SLC9C2: variants seen among roughly 807,000 people sequenced by gnomAD.
The protein encoded by SLC9C2 is solute carrier family 9 member C2 (putative).
Under a neutral mutation model 140.2 loss-of-function variants are expected in SLC9C2, and 75 were observed. That is an observed-to-expected ratio of 0.53 (90% CI 0.44 to 0.65). SLC9C2 has a LOEUF of 0.65. Among genes scored for constraint, SLC9C2 ranks in the 30% least tolerant of loss-of-function variants. The pLI, the probability that SLC9C2 is intolerant of heterozygous loss-of-function variation, is 0.00. For missense variants in SLC9C2, 1,074 were observed against 1,331.8 expected (o/e 0.81, Z 3.01); for synonymous variants, 375 against 420.9 (o/e 0.89, Z 1.34).
intron 23 of SLC9C2, among the ~76,000 whole-genome samples, chr1:173,511,689 CA>C (rs1404916566): frequency 6.6e-5 from 10 of 152,204 alleles, no homozygotes; most frequent in Admixed American, 5.9e-4. Flanking sequence ...GCTTTTGTTG[CA>C]ATTGCCTTTG....
intron 6 of SLC9C2, among the ~76,000 whole-genome samples, chr1:173,582,989 G>A (rs1665640347): frequency 6.6e-6 from 1 of 152,172 alleles, no homozygotes; most frequent in African/African-American, 2.4e-5. Flanking sequence ...TATGCATATT[G>A]AGAAAAACTA....
intron 23 of SLC9C2, among the ~76,000 whole-genome samples, chr1:173,511,761 C>A (rs532594108): frequency 6.6e-6 from 1 of 152,246 alleles, no homozygotes; most frequent in Admixed American, 6.5e-5. Context: ...CCTAGGTTTT[C>A]TTCTAGGGTT....
intron 23 of SLC9C2, among the ~76,000 whole-genome samples, chr1:173,516,940 A>G (rs1416089501): frequency 6.6e-6 from 1 of 152,164 alleles, no homozygotes; most frequent in Non-Finnish European, 1.5e-5. Flanking sequence ...AACAGTGTGT[A>G]ATTGTTCCTT....
At position 173,533,757 on chromosome 1, in the gene SLC9C2, T is replaced by C; in HGVS notation, c.2015A>G (p.Asn672Ser). Residue 672 changes from asparagine (N) to serine (S), a missense_variant, in exon 17 of 28, where the codon AAT becomes AGT. By Grantham distance (46) the Asn-to-Ser change is conservative. Coordinates refer to ENST00000367714, the MANE Select transcript of SLC9C2 (RefSeq NM_178527.4). ...LKRKYFQQCWNTLEFFILVIG... is the reference protein window; with the variant it reads ...LKRKYFQQCWSTLEFFILVIG... ...AACCAGGATAAAAAATTCCAAAGTA[T>C]TCCAACATTGTTGAAAATATTTCCT... is the stretch of plus-strand genomic sequence containing the variant. 6.2e-7 allele frequency: 1 copy of C among 1,603,032 alleles called. No homozygotes were observed. The highest frequency in any genetic ancestry group is 1.7e-4 in the Middle Eastern group (1 of 5,764).
Position 173,505,321 on chromosome 1 carries a change from G to A in SLC9C2, c.3236C>T (p.Thr1079Ile), listed in dbSNP as rs906171350. ...IPTTCEQVQGTSDLSKLLIIQ... is the reference protein window; with the variant it reads ...IPTTCEQVQGISDLSKLLIIQ... The stretch of plus-strand genomic sequence containing the variant: ...TATCAGCAGCTTGCTTAAATCAGAA[G>A]TTCCCTGAACCTAGAGGAGAAAAGT... The change falls in exon 26 of 28, where the codon ACT becomes ATT. Residue 1079 changes from threonine (T) to isoleucine (I), a missense_variant. Coordinates refer to ENST00000367714, the MANE Select transcript of SLC9C2 (RefSeq NM_178527.4). 2.5e-6 allele frequency: 4 copies of A among 1,613,862 alleles called. No homozygotes were observed. The Admixed American group carries it at 5.0e-5, about 20-fold the overall frequency.
chr1:173,533,813 A>G lies in SLC9C2; in HGVS notation c.1975-16T>C, dbSNP rs921731547. ...AAATTATTATCTGTACAGAAAACAA[A>G]TGTCATTTCATAGCACCTATACAGT... On this transcript the variant is annotated splice_polypyrimidine_tract_variant and intron_variant, in intron 16 of 27. Coordinates refer to ENST00000367714, the MANE Select transcript of SLC9C2 (RefSeq NM_178527.4). The G allele has an allele frequency of 2.5e-6, 4 of 1,589,396 alleles. No individual in the cohort carries two copies. In the African/African-American group the frequency reaches 5.4e-5, roughly 22 times the overall value.
chr1:173,524,807 TC>T lies in SLC9C2; in HGVS notation c.2485del (p.Asp829IlefsTer8). 1 of 1,614,082 alleles carries T rather than the reference TC, an allele frequency of 6.2e-7. No individual in the cohort carries two copies. Among genetic ancestry groups the T allele is most frequent in the Non-Finnish European group, 8.5e-7 (1 of 1,179,954 alleles). On this transcript the variant is annotated frameshift_variant, in exon 20 of 28. Coordinates refer to ENST00000367714, the MANE Select transcript of SLC9C2 (RefSeq NM_178527.4). LOFTEE classifies it high-confidence loss of function. ...ATTTATCTCAATGACTTCATGCTTA[TC>T]AATAATGCCTCTTGAACAAAGGAAG... ...LTFLCSRGII[D>X]KHEVIEINKV...
chr1:173,532,091 A>G (rs897444031), intron 17 of SLC9C2, among the ~76,000 whole-genome samples: 1 of 152,230 alleles, frequency 6.6e-6, no homozygotes, highest in African/African-American at 2.4e-5. Flanking sequence ...GTTTGGTCAC[A>G]CCAATGTAGA....
intron 4 of SLC9C2, among the ~76,000 whole-genome samples, chr1:173,593,879 A>T (rs1381113007): frequency 6.6e-6 from 1 of 152,214 alleles, no homozygotes; most frequent in Non-Finnish European, 1.5e-5. Flanking sequence ...TCATAAAGCA[A>T]GTTCTTAGAG....
At chr1:173,544,315 C>T (rs986644318) in intron 13 of SLC9C2, among the ~76,000 whole-genome samples, 6 of 152,194 alleles carry the variant, frequency 3.9e-5, no homozygotes, top group African/African-American at 1.4e-4. Context: ...GAGATGCCAT[C>T]TCACACCAGT....
rs528297790 is a variant in SLC9C2 at position 173,557,256 on chromosome 1, A to C, written c.1215+84T>G. The C allele has an allele frequency of 2.3e-6, 3 of 1,315,994 alleles. No individual in the cohort carries two copies. In the African/African-American group the frequency reaches 4.5e-5, roughly 20 times the overall value. 81.5% of individuals were successfully genotyped at this position (1,315,994 alleles called of 1,614,324 possible). A position where few individuals can be genotyped will look rare whatever the true frequency, so the allele number is the denominator to read the frequency against. On this transcript the variant is annotated intron_variant, in intron 10 of 27. Coordinates refer to ENST00000367714, the MANE Select transcript of SLC9C2 (RefSeq NM_178527.4). ...TAAAAATCTAATTCAAAGCTGGTTA[A>C]CTTTATTACTGGGTTCTCTGACAAG...
chr1:173,530,369 T>C (rs1017225440), intron 17 of SLC9C2, among the ~76,000 whole-genome samples: 1 of 152,194 alleles, frequency 6.6e-6, no homozygotes, highest in African/African-American at 2.4e-5. Flanking sequence ...CACTGCCTTT[T>C]CCCTCATTCT....
At chr1:173,509,444 C>CAAAAA in intron 24 of SLC9C2, 124 bp downstream of exon 24, 1 of 745,384 alleles carries the variant, frequency 1.3e-6, no homozygotes, top group Non-Finnish European at 1.9e-6. Context: ...GCCTCTGTCT[C>CAAAAA]AAAAAAAAAA....
intron 16 of SLC9C2, 56 bp from the exon 17 acceptor site, chr1:173,533,853 GA>G: frequency 6.8e-7 from 1 of 1,478,856 alleles, no homozygotes; most frequent in Non-Finnish European, 9.0e-7. Context: ...TTGGGGGGAA[GA>G]AATCTATAAA....
rs369542558 is a variant in SLC9C2 at position 173,523,923 on chromosome 1, A to G, written c.2640+46T>C. 1.7e-4 allele frequency: 271 copies of G among 1,576,786 alleles called. 1 individual carries two copies. Among genetic ancestry groups the G allele is most frequent in the Non-Finnish European group, 2.2e-4 (256 of 1,166,212 alleles). On this transcript the variant is annotated intron_variant, in intron 21 of 27. Transcript: ENST00000367714. ...TTCATTAGGGAGTGGAAAAAAATGG[A>G]TAATTACCATCAAACCTGAGCCAGA... is the stretch of plus-strand genomic sequence containing the variant.
intron 22 of SLC9C2, among the ~76,000 whole-genome samples, chr1:173,519,968 C>T (rs531102358): frequency 4.6e-5 from 7 of 152,192 alleles, no homozygotes; most frequent in Non-Finnish European, 7.4e-5. Flanking sequence ...AGGGAAATCC[C>T]GTCTCTACTA....
At chr1:173,510,389 C>T (rs1032928558) in intron 23 of SLC9C2, among the ~76,000 whole-genome samples, 2 of 152,086 alleles carry the variant, frequency 1.3e-5, no homozygotes, top group African/African-American at 2.4e-5. Context: ...CTTAGGTCTA[C>T]GTGTGCCATG....
At chr1:173,501,433 G>A (rs115348883) in intron 27 of SLC9C2, among the ~76,000 whole-genome samples, 4,378 of 151,848 alleles carry the variant, frequency 0.029, 95 homozygotes, top group Non-Finnish European at 0.042. Flanking sequence ...TTTGTAAATC[G>A]GAATGGGAAT....
intron 9 of SLC9C2, among the ~76,000 whole-genome samples, chr1:173,569,168 G>A (rs1229578916): frequency 1.3e-5 from 2 of 151,962 alleles, no homozygotes; most frequent in Non-Finnish European, 1.5e-5. Context: ...CGAAAAGTCT[G>A]CTGCCAGACT....
Sources: allele counts gnomAD v4.1 joint callset (sites outside exome capture counted in the v4.1 genomes callset), GRCh38; gene constraint gnomAD v4.1.1; transcripts MANE v1.5; gene names NCBI Gene and HGNC (gene_info 2026-07-23, HGNC 2026-07-21).